Variants in GRIA2 observed in about 807,000 individuals in gnomAD.
The protein encoded by GRIA2 is glutamate ionotropic receptor AMPA type subunit 2, also known as glutamate receptor 2.
In GRIA2, 14 loss-of-function variants were observed where a neutral mutation model predicts 97.3. That is an observed-to-expected ratio of 0.14 (90% CI 0.10 to 0.23). GRIA2 has a LOEUF of 0.23. Ranked by LOEUF, GRIA2 falls within the 10% of genes least tolerant of loss-of-function variation. The probability of loss-of-function intolerance (pLI) is 1.00; values close to 1 mark genes in which losing one functional copy is unlikely to be tolerated. For synonymous variants in GRIA2, 412 were observed against 387.8 expected (o/e 1.06, Z -0.73); for missense variants, 558 against 1,069.8 (o/e 0.52, Z 6.67).
intron 3 of GRIA2, among the ~76,000 whole-genome samples, chr4:157,309,912 G>A (rs900680178): frequency 1.3e-5 from 2 of 152,138 alleles, no homozygotes; most frequent in Non-Finnish European, 2.9e-5. Context: ...GGTAATATAT[G>A]AATAGCACAG....
At chr4:157,299,972 C>T (rs541315770) in intron 2 of GRIA2, among the ~76,000 whole-genome samples, 2 of 152,022 alleles carry the variant, frequency 1.3e-5, no homozygotes, top group Admixed American at 6.6e-5. Flanking sequence ...AATGAGGATT[C>T]ATGTTTCTTT....
Position 157,345,886 on chromosome 4 carries a change from T to C in GRIA2, c.2043+4424T>C, listed in dbSNP as rs939136049. On this transcript the variant is annotated intron_variant, in intron 12 of 15. Coordinates refer to ENST00000264426, the MANE Select transcript of GRIA2 (RefSeq NM_001083619.3). Reference sequence around the variant, plus strand: ...TAAAGGTATTTGCCTTCTTGTTTAATGCAGTTTGTTCCATCTGCAAAAGAT... The same window carrying C: ...TAAAGGTATTTGCCTTCTTGTTTAACGCAGTTTGTTCCATCTGCAAAAGAT... Among the ~76,000 whole-genome samples the C allele has an allele frequency of 6.6e-5, 10 of 152,314 alleles. No homozygotes were observed. In the East Asian group the frequency reaches 1.9e-3, roughly 29 times the overall value.
chr4:157,258,266 TAGG>T (rs1159843469), intron 2 of GRIA2, among the ~76,000 whole-genome samples: 1 of 151,976 alleles, frequency 6.6e-6, no homozygotes, highest in Non-Finnish European at 1.5e-5. Flanking sequence ...CAAAAGCAAA[TAGG>T]AGAAATATTA....
chr4:157,354,557 A>G (rs1032437265), intron 12 of GRIA2, among the ~76,000 whole-genome samples: 1 of 152,202 alleles, frequency 6.6e-6, no homozygotes, highest in African/African-American at 2.4e-5. Flanking sequence ...CTTAAGAAAC[A>G]CAGAGAAGTC....
chr4:157,275,557 GA>G (rs1167310967), intron 2 of GRIA2, among the ~76,000 whole-genome samples: 2 of 152,234 alleles, frequency 1.3e-5, no homozygotes, highest in African/African-American at 4.8e-5. Flanking sequence ...AAGGTGTAAG[GA>G]AGGGATCCAG....
chr4:157,293,490 CACAA>C (rs1412985747), intron 2 of GRIA2, among the ~76,000 whole-genome samples: 1 of 152,068 alleles, frequency 6.6e-6, no homozygotes, highest in Non-Finnish European at 1.5e-5. Flanking sequence ...ACCAGAAACG[CACAA>C]ACAAATTCGA....
At chr4:157,350,514 C>T (rs1439257950) in intron 12 of GRIA2, among the ~76,000 whole-genome samples, 3 of 151,582 alleles carry the variant, frequency 2.0e-5, no homozygotes, top group Admixed American at 6.6e-5. Flanking sequence ...ATTAAGATTT[C>T]AGACCACAAT....
intron 12 of GRIA2, among the ~76,000 whole-genome samples, chr4:157,355,802 A>G (rs1268099235): frequency 8.5e-5 from 8 of 94,578 alleles, no homozygotes; most frequent in Non-Finnish European, 1.3e-4. Flanking sequence ...AGTTATATAT[A>G]TTTATATATT....
Position 157,356,027 on chromosome 4 carries a change from ATTTATATT to A in GRIA2, c.2044-3867_2044-3860del, listed in dbSNP as rs1166451869. The stretch of plus-strand genomic sequence containing the variant: ...TATATGTATTTATATATATTTATAT[ATTTATATT>A]TATTTATATATGTATTTATATATAT... On this transcript the variant is annotated intron_variant, in intron 12 of 15. Coordinates refer to ENST00000264426, the MANE Select transcript of GRIA2 (RefSeq NM_001083619.3). Among the ~76,000 whole-genome samples the A allele has an allele frequency of 3.5e-3, 375 of 107,838 alleles. 8 individuals carry two copies. The highest frequency in any genetic ancestry group is 0.013 in the African/African-American group (360 of 26,740). The allele number at this position is 107,838 out of a possible 152,430, so 70.7% of individuals were successfully genotyped here.
intron 2 of GRIA2, among the ~76,000 whole-genome samples, chr4:157,252,857 A>C (rs1462049422): frequency 6.6e-6 from 1 of 152,110 alleles, no homozygotes; most frequent in Non-Finnish European, 1.5e-5. Flanking sequence ...GAAAAGGCTA[A>C]CAAAATACTC....
chr4:157,316,086 C>T (rs912551865), intron 4 of GRIA2, among the ~76,000 whole-genome samples: 1 of 152,018 alleles, frequency 6.6e-6, no homozygotes, highest in Non-Finnish European at 1.5e-5. Context: ...ACTGATACAA[C>T]CTTTTATACT....
intron 12 of GRIA2, among the ~76,000 whole-genome samples, chr4:157,346,953 G>T (rs1432573965): frequency 1.3e-5 from 2 of 152,030 alleles, no homozygotes; most frequent in East Asian, 3.9e-4. Context: ...AATTGAAAAA[G>T]CATCCTAAAT....
At chr4:157,294,148 A>C (rs1287367729) in intron 2 of GRIA2, among the ~76,000 whole-genome samples, 2 of 151,974 alleles carry the variant, frequency 1.3e-5, no homozygotes, top group African/African-American at 4.8e-5. Context: ...AGTGTTATAC[A>C]AGCTAATTTG....
At chr4:157,360,735 T>G (rs1283132065) in intron 13 of GRIA2, 1 of 537,110 alleles carries the variant, frequency 1.9e-6, no homozygotes, top group South Asian at 1.5e-5. Context: ...ACACTGTTAT[T>G]TGTTTGTTGT....
chr4:157,352,592 C>A (rs72962898), intron 12 of GRIA2, among the ~76,000 whole-genome samples: 1 of 151,528 alleles, frequency 6.6e-6, no homozygotes, highest in African/African-American at 2.4e-5. Context: ...TGGTGATGGG[C>A]GCCTGTAATC....
intron 6 of GRIA2, among the ~76,000 whole-genome samples, chr4:157,328,108 T>C (rs941487505): frequency 2.0e-5 from 3 of 152,136 alleles, no homozygotes; most frequent in African/African-American, 7.2e-5. Flanking sequence ...ATTGATAAGA[T>C]TGTTTATTTT....
intron 2 of GRIA2, among the ~76,000 whole-genome samples, chr4:157,269,507 C>A (rs1731923331): frequency 6.6e-6 from 1 of 152,120 alleles, no homozygotes. Flanking sequence ...TGGCCAAGAT[C>A]TCAAAGGGAA....
At chr4:157,257,357 T>C (rs902417757) in intron 2 of GRIA2, among the ~76,000 whole-genome samples, 1 of 152,032 alleles carries the variant, frequency 6.6e-6, no homozygotes, top group African/African-American at 2.4e-5. Context: ...TTTCACACCA[T>C]TGAAGGGAGA....
chr4:157,261,930 A>G (rs1731553830), intron 2 of GRIA2, among the ~76,000 whole-genome samples: 1 of 152,058 alleles, frequency 6.6e-6, no homozygotes, highest in Non-Finnish European at 1.5e-5. Context: ...GAGTTCAAAA[A>G]TTATTTTGTT....
Sources: gnomAD v4.1 joint callset for allele counts (sites outside exome capture counted in the v4.1 genomes callset) on GRCh38, gnomAD v4.1.1 for gene constraint, MANE v1.5 for transcripts, NCBI Gene and HGNC (gene_info 2026-07-23, HGNC 2026-07-21) for gene names.